The following CBR3 variants were observed in gnomAD, a reference collection of about 807,000 sequenced individuals.
CBR3 encodes the protein carbonyl reductase 3.
CBR3 carries 14 observed loss-of-function variants against 11.6 expected under a neutral mutation model. The ratio of observed to expected loss-of-function variants is 1.20; its 90% CI spans 0.79 to 1.88. The LOEUF is 1.88. Ranked by LOEUF, CBR3 falls within the 40% of genes most tolerant of loss-of-function variation. The pLI is 0.00. For missense variants in CBR3, 308 were observed against 357.3 expected (o/e 0.86, Z 1.11); for synonymous variants, 125 against 145.6 (o/e 0.86, Z 1.02).
intron 2 of CBR3, among the ~76,000 whole-genome samples, chr21:36,144,347 A>G (rs916207434): frequency 1.3e-5 from 2 of 152,220 alleles, no homozygotes; most frequent in Non-Finnish European, 2.9e-5. Flanking sequence ...CATCCCAGCT[A>G]CTTGGGAGGC....
chr21:36,141,174 A>G (rs1315747145), intron 2 of CBR3, among the ~76,000 whole-genome samples: 5 of 150,462 alleles, frequency 3.3e-5, no homozygotes, highest in Non-Finnish European at 5.9e-5. Flanking sequence ...AGGTGGGAGG[A>G]TCGCTTGGGC....
intron 1 of CBR3, among the ~76,000 whole-genome samples, chr21:36,136,172 G>A (rs2065658571): frequency 6.6e-6 from 1 of 152,134 alleles, no homozygotes; most frequent in Non-Finnish European, 1.5e-5. Flanking sequence ...GAAAATTACA[G>A]GAGGGCGCAG....
intron 2 of CBR3, chr21:36,141,901 C>T (rs2065712617): frequency 1.0e-6 from 1 of 982,522 alleles, no homozygotes. Flanking sequence ...CTTCCTTTCC[C>T]ATTCACATTT....
At chr21:36,144,167 C>T (rs527680907) in intron 2 of CBR3, among the ~76,000 whole-genome samples, 1 of 151,944 alleles carries the variant, frequency 6.6e-6, no homozygotes, top group South Asian at 2.1e-4. Flanking sequence ...TATAAAACTG[C>T]CAGCGGGCTG....
intron 2 of CBR3, among the ~76,000 whole-genome samples, chr21:36,141,007 C>CAAAAAAAAAAAAAAAAA (rs1217520274): frequency 1.8e-5 from 1 of 56,190 alleles, no homozygotes; most frequent in Non-Finnish European, 3.4e-5. Context: ...CACTCCATCT[C>CAAAAAAAAAAAAAAAAA]AAAAAAAAAA....
Position 36,135,101 on chromosome 21 carries a change from A to C in CBR3, c.-92A>C, listed in dbSNP as rs1044170020. 62 of 1,261,502 alleles carry C rather than the reference A, an allele frequency of 4.9e-5. No homozygotes were observed. Among genetic ancestry groups the C allele is most frequent in the Middle Eastern group, 2.8e-4 (1 of 3,604 alleles). 78.1% of individuals were successfully genotyped at this position (1,261,502 alleles called of 1,614,324 possible). ...CCCAGAACTTAGTCTGCGCGGCGGC[A>C]TTGACACTAGCTGGGCTCCTCGGGG... On this transcript the variant is annotated 5_prime_UTR_variant, in exon 1 of 3. Coordinates refer to ENST00000290354, the MANE Select transcript of CBR3 (RefSeq NM_001236.4).
intron 2 of CBR3, among the ~76,000 whole-genome samples, chr21:36,143,717 G>A (rs555933993): frequency 1.1e-4 from 17 of 151,808 alleles, no homozygotes; most frequent in African/African-American, 3.1e-4. Context: ...CCGTTTCTAC[G>A]AAAAATACAA....
intron 2 of CBR3, among the ~76,000 whole-genome samples, chr21:36,139,986 CGA>C (rs1568980034): frequency 2.1e-5 from 3 of 140,668 alleles, no homozygotes; most frequent in Non-Finnish European, 3.0e-5. Context: ...CTCTCAGGTA[CGA>C]GAGATTCTCC....
At chr21:36,142,935 G>C (rs1225802698) in intron 2 of CBR3, among the ~76,000 whole-genome samples, 1 of 152,148 alleles carries the variant, frequency 6.6e-6, no homozygotes, top group East Asian at 1.9e-4. Context: ...TCTCTTGTGG[G>C]ATTGGGGTCC....
intron 2 of CBR3, among the ~76,000 whole-genome samples, chr21:36,140,345 G>A (rs952218782): frequency 5.3e-5 from 8 of 151,856 alleles, no homozygotes; most frequent in Admixed American, 2.0e-4. Context: ...CAATATAAAC[G>A]CACATTTTAA....
intron 2 of CBR3, among the ~76,000 whole-genome samples, chr21:36,140,009 C>G (rs975102071): frequency 1.3e-5 from 2 of 151,638 alleles, no homozygotes; most frequent in African/African-American, 4.8e-5. Context: ...GCCCCAGCCT[C>G]TCAAGTAGCT....
At chr21:36,144,595 G>C (rs1435371493) in intron 2 of CBR3, among the ~76,000 whole-genome samples, 5 of 33,326 alleles carry the variant, frequency 1.5e-4, no homozygotes, top group African/African-American at 3.7e-4. Flanking sequence ...CCACTGCACT[G>C]CAGCCTAGGC....
intron 2 of CBR3, among the ~76,000 whole-genome samples, chr21:36,141,211 A>G (rs2065706343): frequency 6.8e-6 from 1 of 147,446 alleles, no homozygotes; most frequent in Admixed American, 6.9e-5. Context: ...GCAGTGAGCT[A>G]TGATTGTGCC....
chr21:36,135,575 G>A (rs2065652770), intron 1 of CBR3, 94 bp downstream of exon 1: 9 of 1,242,140 alleles, frequency 7.2e-6, no homozygotes, highest in Middle Eastern at 2.2e-4. Flanking sequence ...TTGAGTGACC[G>A]AGGAGGGTGG....
At chr21:36,144,776 C>T (rs1483704743) in intron 2 of CBR3, among the ~76,000 whole-genome samples, 2 of 93,376 alleles carry the variant, frequency 2.1e-5, no homozygotes, top group African/African-American at 8.5e-5. Flanking sequence ...GCAGCCTAGG[C>T]AACAAAACAA....
intron 1 of CBR3, chr21:36,136,977 G>A (rs930216560): frequency 6.9e-6 from 1 of 145,432 alleles, no homozygotes; most frequent in African/African-American, 2.6e-5. Flanking sequence ...GCAGGAAGAG[G>A]AGATTGCACC....
At position 36,146,352 on chromosome 21, in the gene CBR3, C is replaced by T. The variant is rs576089419; in HGVS notation, c.674C>T (p.Ala225Val). The T allele has an allele frequency of 1.7e-4, 282 of 1,614,066 alleles. 1 individual carries two copies. The South Asian group carries it at 2.3e-3, about 13-fold the overall frequency. Residue 225 changes from alanine to valine, a missense_variant, in exon 3 of 3, where the codon GCG becomes GTG. Physicochemically the swap from Ala to Val is moderately conservative, Grantham distance 64 (BLOSUM62 0). Transcript: ENST00000290354. ...AAAGCTGACAGGATTCTGGTGAATG[C>T]GTGCTGCCCAGGACCAGTGAAGACA... ...KRKADRILVNACCPGPVKTDM... is the reference protein window; with the variant it reads ...KRKADRILVNVCCPGPVKTDM...
chr21:36,146,032 G>T, intron 2 of CBR3, 44 bp from the exon 3 acceptor site: 7 of 1,196,846 alleles, frequency 5.8e-6, no homozygotes, highest in Non-Finnish European at 8.5e-6. Context: ...ACCAGTGGTT[G>T]TACCTCTGTG....
intron 2 of CBR3, chr21:36,138,647 A>G (rs2065681657): frequency 6.6e-6 from 1 of 151,750 alleles, no homozygotes; most frequent in Admixed American, 6.6e-5. Context: ...CTGTTTTAGC[A>G]TTACAACTTT....
Sources: gnomAD v4.1 joint callset for allele counts (sites outside exome capture counted in the v4.1 genomes callset) on GRCh38, gnomAD v4.1.1 for gene constraint, MANE v1.5 for transcripts, NCBI Gene and HGNC (gene_info 2026-07-23, HGNC 2026-07-21) for gene names.